Variants in TRIM13 observed in about 807,000 individuals in gnomAD.
TRIM13 encodes the protein E3 ubiquitin-protein ligase TRIM13.
Under a neutral mutation model 27.1 loss-of-function variants are expected in TRIM13, and 15 were observed. The observed-to-expected ratio is 0.55, with a 90% confidence interval of 0.37 to 0.85. The LOEUF is 0.85. Among genes scored for constraint, TRIM13 ranks in the 40% least tolerant of loss-of-function variants. The pLI is 0.00. For missense variants in TRIM13, 402 were observed against 472.2 expected (o/e 0.85, Z 1.38); for synonymous variants, 193 against 171.5 (o/e 1.13, Z -0.98).
Position 50,016,628 on chromosome 13 carries a change from G to A in TRIM13, c.*3464G>A, listed in dbSNP as rs1876622750. 6.0e-6 allele frequency: 1 copy of A among 167,438 alleles called. No homozygotes were observed. The highest frequency in any genetic ancestry group is 6.5e-5 in the Admixed American group (1 of 15,316). 10.4% of individuals were successfully genotyped at this position (167,438 alleles called of 1,614,324 possible). On this transcript the variant is annotated 3_prime_UTR_variant, in exon 2 of 2. Transcript: ENST00000378182. ...TTAAACAACTCAAAATATTGGGATAGGCTGTCAGTATGTTAAGGATAGTTG... is the reference window on the plus strand; with the variant it reads ...TTAAACAACTCAAAATATTGGGATAAGCTGTCAGTATGTTAAGGATAGTTG...
chr13:50,015,690 G>A lies in TRIM13; in HGVS notation c.*2526G>A, dbSNP rs764916467. The stretch of plus-strand genomic sequence containing the variant: ...TTTAGTTTCATCTTAGATTTTTTGA[G>A]AACTCACCAGCTTTTATTACCCACT... On this transcript the variant is annotated 3_prime_UTR_variant, in exon 2 of 2. Transcript: ENST00000378182. The A allele has an allele frequency of 6.2e-7, 1 of 1,614,076 alleles. No homozygotes were observed. The highest frequency in any genetic ancestry group is 8.5e-7 in the Non-Finnish European group (1 of 1,179,964).
At chr13:50,003,002 A>T (rs778455450) in intron 1 of TRIM13, among the ~76,000 whole-genome samples, 19 of 152,180 alleles carry the variant, frequency 1.2e-4, no homozygotes, top group Non-Finnish European at 2.5e-4. Context: ...GCAGTGGCTC[A>T]TGCCTGTAGT....
chr13:50,016,892 C>T lies in TRIM13; in HGVS notation c.*3728C>T, dbSNP rs1479446652. Reference sequence around the variant, plus strand: ...TTTTTTTTTTTTTGGTAAAGGTAGGCGTATTTTAAGATATTTTCTTAACTT... The same window carrying T: ...TTTTTTTTTTTTTGGTAAAGGTAGGTGTATTTTAAGATATTTTCTTAACTT... On this transcript the variant is annotated 3_prime_UTR_variant, in exon 2 of 2. Coordinates refer to ENST00000378182, the MANE Select transcript of TRIM13 (RefSeq NM_213590.3). 4 of 161,002 alleles carry T rather than the reference C, an allele frequency of 2.5e-5. No individual in the cohort carries two copies. Among genetic ancestry groups the T allele is most frequent in the Admixed American group, 6.8e-5 (1 of 14,704 alleles). The allele number at this position is 161,002 out of a possible 1,614,324, so 10.0% of individuals were successfully genotyped here. A position where few individuals can be genotyped will look rare whatever the true frequency, so the allele number is the denominator to read the frequency against.
At chr13:50,001,291 C>CCA (rs1555322871) in intron 1 of TRIM13, among the ~76,000 whole-genome samples, 2 of 91,458 alleles carry the variant, frequency 2.2e-5, no homozygotes, top group Non-Finnish European at 4.0e-5. Flanking sequence ...AACTCTGTCC[C>CCA]AAAAAAAAAA....
intron 1 of TRIM13, among the ~76,000 whole-genome samples, chr13:50,001,857 G>C (rs746383724): frequency 1.3e-5 from 2 of 152,000 alleles, no homozygotes; most frequent in Non-Finnish European, 2.9e-5. Context: ...ATAAGTCACC[G>C]GGACAGTCTC....
rs1206574736 is a variant in TRIM13 at position 50,018,067 on chromosome 13, G to A, written c.*4903G>A. On this transcript the variant is annotated 3_prime_UTR_variant, in exon 2 of 2. Transcript: ENST00000378182. Reference sequence around the variant, plus strand: ...TTATAGTTGGTCACAGGATTCTAAAGTCTTTATTTGACTTCTCCTTTTTGA... The same window carrying A: ...TTATAGTTGGTCACAGGATTCTAAAATCTTTATTTGACTTCTCCTTTTTGA... The A allele has an allele frequency of 6.0e-6, 1 of 167,028 alleles. No individual in the cohort carries two copies. Among genetic ancestry groups the A allele is most frequent in the Non-Finnish European group, 1.5e-5 (1 of 68,098 alleles). 10.3% of individuals were successfully genotyped at this position (167,028 alleles called of 1,614,324 possible).
chr13:50,011,812 C>A, intron 1 of TRIM13, 123 bp from the exon 2 acceptor site: 2 of 1,217,018 alleles, frequency 1.6e-6, no homozygotes, highest in Non-Finnish European at 2.3e-6. Flanking sequence ...TTTCTCACTA[C>A]TTTGTTTGGC....
rs1875724383 is a variant in TRIM13 at position 50,012,012 on chromosome 13, T to G, written c.72T>G (p.Pro24=). Residue 24 remains proline, a synonymous_variant, in exon 2 of 2, where the codon CCT becomes CCG. Transcript: ENST00000378182. ...TGTTTGATGATCCACGGGTTTTGCC[T>G]TGCTCCCACAACTTCTGCAAAAAAT... ...CSLFDDPRVL[P]CSHNFCKKCL... is the part of the protein sequence containing the mutation. The G allele has an allele frequency of 6.2e-7, 1 of 1,613,962 alleles. No homozygotes were observed. Among genetic ancestry groups the G allele is most frequent in the Admixed American group, 1.7e-5 (1 of 59,970 alleles).
At chr13:50,002,241 G>A (rs1467600374) in intron 1 of TRIM13, among the ~76,000 whole-genome samples, 2 of 151,962 alleles carry the variant, frequency 1.3e-5, no homozygotes, top group African/African-American at 4.8e-5. Flanking sequence ...ACATAAAAAT[G>A]AGCCTGACGT....
intron 1 of TRIM13, among the ~76,000 whole-genome samples, chr13:49,999,463 C>G (rs1873753547): frequency 6.6e-6 from 1 of 152,084 alleles, no homozygotes; most frequent in South Asian, 2.1e-4. Flanking sequence ...GTCCTGAATT[C>G]TTTCTTGGCT....
At position 50,016,747 on chromosome 13, in the gene TRIM13, G is replaced by A. The variant is rs1317085059; in HGVS notation, c.*3583G>A. On this transcript the variant is annotated 3_prime_UTR_variant, in exon 2 of 2. Coordinates refer to ENST00000378182, the MANE Select transcript of TRIM13 (RefSeq NM_213590.3). ...TGCTGTCACAAACATTTTTCCCCCCGTAAAATGTCTTAATGCTGTCCTACC... is the reference window on the plus strand; with the variant it reads ...TGCTGTCACAAACATTTTTCCCCCCATAAAATGTCTTAATGCTGTCCTACC... The A allele has an allele frequency of 2.4e-5, 4 of 166,694 alleles. No homozygotes were observed. The highest frequency in any genetic ancestry group is 2.9e-5 in the Non-Finnish European group (2 of 68,080). The allele number at this position is 166,694 out of a possible 1,614,324, so 10.3% of individuals were successfully genotyped here.
At position 50,012,477 on chromosome 13, in the gene TRIM13, A is replaced by G; in HGVS notation, c.537A>G (p.Ser179=). 1.2e-6 allele frequency: 2 copies of G among 1,614,006 alleles called. No homozygotes were observed. Among genetic ancestry groups the G allele is most frequent in the African/African-American group, 2.7e-5 (2 of 75,054 alleles). ...RKSLQLLTKD[S]DKVKEFFEKL... ...CCCTACAGTTACTGACTAAAGATTC[A>G]GATAAAGTGAAGGAATTTTTTGAGA... is the stretch of plus-strand genomic sequence containing the variant. The change falls in exon 2 of 2, where the codon TCA becomes TCG. Residue 179 remains serine (S), a synonymous_variant. Coordinates refer to ENST00000378182, the MANE Select transcript of TRIM13 (RefSeq NM_213590.3).
In TRIM13 at chr13:50,015,721, T is replaced by C; in HGVS notation, c.*2557T>C. On this transcript the variant is annotated 3_prime_UTR_variant, in exon 2 of 2. Coordinates refer to ENST00000378182, the MANE Select transcript of TRIM13 (RefSeq NM_213590.3). ...ACCAGCTTTTATTACCCACTGAATT[T>C]TCAGACTATCTTAGGCTTCAGAGAG... 1 of 1,614,112 alleles carries C rather than the reference T, an allele frequency of 6.2e-7. No individual in the cohort carries two copies. The highest frequency in any genetic ancestry group is 1.6e-4 in the Middle Eastern group (1 of 6,062).
intron 1 of TRIM13, among the ~76,000 whole-genome samples, chr13:50,005,966 C>T (rs917514610): frequency 4.6e-5 from 7 of 151,714 alleles, no homozygotes; most frequent in Non-Finnish European, 1.0e-4. Context: ...CCCACCTCGG[C>T]GGCCTCCCAA....
intron 1 of TRIM13, among the ~76,000 whole-genome samples, chr13:50,006,563 T>C (rs112818223): frequency 8.7e-4 from 132 of 152,106 alleles, no homozygotes; most frequent in Non-Finnish European, 1.7e-3. Flanking sequence ...CAAAAGATGA[T>C]AGTAATGGAA....
rs1485972820 is a variant in TRIM13, at chr13:50,015,089, AAAAAAATATATATATATAT to A, written c.*1927_*1945del. The A allele has an allele frequency of 3.5e-4, 15 of 43,350 alleles. 2 individuals are homozygous for A. The highest frequency in any genetic ancestry group is 1.6e-3 in the Admixed American group (5 of 3,172). The allele number at this position is 43,350 out of a possible 1,614,324, so 2.7% of individuals were successfully genotyped here. A position where few individuals can be genotyped will look rare whatever the true frequency, so the allele number is the denominator to read the frequency against. On this transcript the variant is annotated 3_prime_UTR_variant, in exon 2 of 2. Transcript: ENST00000378182. ...CCTCCCAGTAATAAAAAAAAAAAAAAAAAAAATATATATATATATATATATATATATATATATATATATA... is the reference window on the plus strand; with the variant it reads ...CCTCCCAGTAATAAAAAAAAAAAAAAATATATATATATATATATATATATA...
chr13:50,011,478 G>C (rs1398350374), intron 1 of TRIM13, among the ~76,000 whole-genome samples: 2 of 152,182 alleles, frequency 1.3e-5, no homozygotes, highest in Non-Finnish European at 2.9e-5. Flanking sequence ...GTCTACATGA[G>C]AGTACATGTT....
intron 1 of TRIM13, among the ~76,000 whole-genome samples, chr13:50,004,294 C>A (rs942661206): frequency 3.3e-5 from 5 of 151,668 alleles, no homozygotes; most frequent in Admixed American, 3.3e-4. Flanking sequence ...ATCATCTATA[C>A]AAAAAAAGTA....
intron 1 of TRIM13, among the ~76,000 whole-genome samples, chr13:50,010,156 C>T (rs1875434945): frequency 6.8e-6 from 1 of 147,724 alleles, no homozygotes; most frequent in Non-Finnish European, 1.5e-5. Flanking sequence ...TCAAGGGATT[C>T]TCATACCTCA....
Sources: gnomAD v4.1 joint callset for allele counts (sites outside exome capture counted in the v4.1 genomes callset) on GRCh38, gnomAD v4.1.1 for gene constraint, MANE v1.5 for transcripts, NCBI Gene and HGNC (gene_info 2026-07-23, HGNC 2026-07-21) for gene names.